Variants in PHF21B observed in about 807,000 individuals in gnomAD.
The protein encoded by PHF21B is PHD finger protein 4.
Under a neutral mutation model 62.2 loss-of-function variants are expected in PHF21B, and 22 were observed. That is an observed-to-expected ratio of 0.35 (90% CI 0.25 to 0.51). The LOEUF is 0.51. PHF21B is among the 20% of genes least tolerant of loss of function. The pLI, the probability that PHF21B is intolerant of heterozygous loss-of-function variation, is 0.97. For missense variants in PHF21B, 701 were observed against 707.9 expected (o/e 0.99, Z 0.11); for synonymous variants, 341 against 314.7 (o/e 1.08, Z -0.88).
At chr22:44,887,156 C>CAAAAAAAAAAA (rs565346064) in intron 10 of PHF21B, among the ~76,000 whole-genome samples, 1 of 65,088 alleles carries the variant, frequency 1.5e-5, no homozygotes, top group African/African-American at 4.4e-5. Context: ...AACTCCATCT[C>CAAAAAAAAAAA]AAAAAAAAAA....
intron 2 of PHF21B, among the ~76,000 whole-genome samples, chr22:44,933,085 T>C (rs1162157077): frequency 6.6e-6 from 1 of 151,206 alleles, no homozygotes; most frequent in Non-Finnish European, 1.5e-5. Flanking sequence ...CCCGCCCCGC[T>C]GTGGAAACAG....
intron 2 of PHF21B, among the ~76,000 whole-genome samples, chr22:44,979,385 G>C (rs140656609): frequency 2.0e-4 from 31 of 152,364 alleles, no homozygotes; most frequent in Non-Finnish European, 3.4e-4. Flanking sequence ...ACCCGAGGTC[G>C]TGCAAGGGCA....
At chr22:45,000,124 TG>T (rs2073188251) in intron 2 of PHF21B, among the ~76,000 whole-genome samples, 2 of 151,896 alleles carry the variant, frequency 1.3e-5, no homozygotes, top group South Asian at 4.2e-4. Context: ...GAGCCGGGAT[TG>T]GAACTCCAGT....
At position 44,913,787 on chromosome 22, in the gene PHF21B, G is replaced by C; in HGVS notation, c.831+35C>G. 1.9e-6 allele frequency: 3 copies of C among 1,591,264 alleles called. No individual in the cohort carries two copies. In the South Asian group the frequency reaches 3.5e-5, roughly 18 times the overall value. On this transcript the variant is annotated intron_variant, in intron 5 of 12. Coordinates refer to ENST00000313237, the MANE Select transcript of PHF21B (RefSeq NM_138415.5). ...GCCTCAGATGGCACCTGCAGACTGA[G>C]CAGGGCCTGGGCCCTCCGGAGAGGC...
intron 2 of PHF21B, among the ~76,000 whole-genome samples, chr22:44,973,971 C>G (rs1470012561): frequency 1.3e-5 from 2 of 152,122 alleles, no homozygotes; most frequent in Non-Finnish European, 2.9e-5. Context: ...ACACTAGGGG[C>G]GTAGTTTTTG....
At chr22:44,957,541 C>T (rs1283495162) in intron 2 of PHF21B, among the ~76,000 whole-genome samples, 6 of 152,106 alleles carry the variant, frequency 3.9e-5, no homozygotes, top group Admixed American at 1.3e-4. Context: ...AATAGTCAGC[C>T]CTCTCTTTCT....
intron 5 of PHF21B, among the ~76,000 whole-genome samples, chr22:44,898,549 AG>A (rs1404562387): frequency 6.6e-6 from 1 of 152,200 alleles, no homozygotes; most frequent in Non-Finnish European, 1.5e-5. Context: ...CCACTCAGGC[AG>A]GGCTTTTTTC....
intron 2 of PHF21B, among the ~76,000 whole-genome samples, chr22:44,996,089 G>A (rs976942820): frequency 2.6e-5 from 4 of 152,174 alleles, no homozygotes; most frequent in African/African-American, 7.2e-5. Context: ...CAAGGAGCCA[G>A]CGGCACAGGG....
intron 11 of PHF21B, among the ~76,000 whole-genome samples, 155 bp downstream of exon 11, chr22:44,885,708 G>A (rs948074256): frequency 3.3e-5 from 5 of 152,174 alleles, no homozygotes; most frequent in African/African-American, 9.7e-5. Context: ...CACCTGCCCC[G>A]GACACAGGAC....
intron 2 of PHF21B, among the ~76,000 whole-genome samples, chr22:44,995,291 G>A (rs574080202): frequency 1.8e-4 from 27 of 152,212 alleles, no homozygotes; most frequent in Admixed American, 2.6e-4. Context: ...CTTTGGTACC[G>A]TCCCTCATGC....
intron 2 of PHF21B, among the ~76,000 whole-genome samples, chr22:44,996,669 GACAC>G (rs1238466844): frequency 2.0e-5 from 3 of 151,150 alleles, no homozygotes; most frequent in East Asian, 1.9e-4. Flanking sequence ...CACACACACA[GACAC>G]ACAAACACAC....
intron 2 of PHF21B, among the ~76,000 whole-genome samples, chr22:44,956,748 C>T (rs1390748549): frequency 6.6e-6 from 1 of 152,168 alleles, no homozygotes; most frequent in Non-Finnish European, 1.5e-5. Context: ...CCACCCAAGG[C>T]AGTGCTTTCT....
intron 2 of PHF21B, among the ~76,000 whole-genome samples, chr22:44,974,240 C>A (rs577269069): frequency 1.3e-5 from 2 of 152,142 alleles, no homozygotes; most frequent in Non-Finnish European, 2.9e-5. Context: ...CATGGCGAAA[C>A]CCTGTCTCTA....
chr22:44,887,294 C>A (rs1024097959), intron 10 of PHF21B, among the ~76,000 whole-genome samples: 2 of 152,294 alleles, frequency 1.3e-5, no homozygotes, highest in East Asian at 3.9e-4. Context: ...CACTCCCAAG[C>A]GTTTTCTCCC....
At chr22:44,979,357 T>C (rs753030497) in intron 2 of PHF21B, among the ~76,000 whole-genome samples, 2 of 152,166 alleles carry the variant, frequency 1.3e-5, no homozygotes, top group South Asian at 2.1e-4. Context: ...CCAGAGGCTG[T>C]CGTGGTCTCT....
chr22:44,896,341 A>C (rs1009352437), intron 5 of PHF21B, among the ~76,000 whole-genome samples: 2 of 152,140 alleles, frequency 1.3e-5, no homozygotes, highest in African/African-American at 2.4e-5. Context: ...TAAGGGGCTA[A>C]GGTGCACATA....
At chr22:44,994,114 G>A (rs1240383124) in intron 2 of PHF21B, among the ~76,000 whole-genome samples, 2 of 152,228 alleles carry the variant, frequency 1.3e-5, no homozygotes, top group African/African-American at 4.8e-5. Flanking sequence ...CGTCGGCCCG[G>A]GGCATCCCCG....
intron 2 of PHF21B, among the ~76,000 whole-genome samples, chr22:44,962,256 T>C (rs1393754908): frequency 6.6e-6 from 1 of 152,250 alleles, no homozygotes; most frequent in Admixed American, 6.5e-5. Context: ...CCCTTTTCTC[T>C]GCAGCCTCAC....
chr22:44,905,011 A>G (rs1246250317), intron 5 of PHF21B, among the ~76,000 whole-genome samples: 1 of 152,154 alleles, frequency 6.6e-6, no homozygotes, highest in Non-Finnish European at 1.5e-5. Flanking sequence ...TATCTTTGAC[A>G]TGAATCTCTA....
Sources: allele counts gnomAD v4.1 joint callset (sites outside exome capture counted in the v4.1 genomes callset), GRCh38; gene constraint gnomAD v4.1.1; transcripts MANE v1.5; gene names NCBI Gene and HGNC (gene_info 2026-07-23, HGNC 2026-07-21).